Variants in WLS observed in about 807,000 individuals in gnomAD.
WLS encodes protein wntless homolog.
Under a neutral mutation model 62.8 loss-of-function variants are expected in WLS, and 23 were observed. The observed-to-expected ratio is 0.37, with a 90% confidence interval of 0.26 to 0.52. The LOEUF is 0.52. Among genes scored for constraint, WLS ranks in the 20% least tolerant of loss-of-function variants. The pLI, the probability that WLS is intolerant of heterozygous loss-of-function variation, is 0.92. For missense variants in WLS, 615 were observed against 697.3 expected (o/e 0.88, Z 1.33); for synonymous variants, 246 against 244.1 (o/e 1.01, Z -0.07).
At chr1:68,230,777 C>T (rs754234085) in intron 1 of WLS, among the ~76,000 whole-genome samples, 5 of 152,140 alleles carry the variant, frequency 3.3e-5, no homozygotes, top group Non-Finnish European at 2.9e-5. Context: ...GAAGCTTCAC[C>T]CACTCTCCTT....
Position 68,194,035 on chromosome 1 carries a change from T to TG in WLS, c.298dup (p.His100ProfsTer43), listed in dbSNP as rs1363522615. ...TTGGAACCAAGGACTCATCTCCATG[T>TG]GGGGGAGGGGAATGTGAACAGAAAA... On this transcript the variant is annotated frameshift_variant, in exon 2 of 12. Transcript: ENST00000262348. LOFTEE classifies it high-confidence loss of function. The TG allele has an allele frequency of 2.5e-6, 4 of 1,614,028 alleles. No homozygotes were observed. Among genetic ancestry groups the TG allele is most frequent in the Non-Finnish European group, 3.4e-6 (4 of 1,180,032 alleles).
intron 1 of WLS, among the ~76,000 whole-genome samples, chr1:68,228,906 T>G (rs1571046541): frequency 2.7e-5 from 4 of 148,484 alleles, no homozygotes; most frequent in Middle Eastern, 3.5e-3. Flanking sequence ...TGTTTTTTTT[T>G]TTTTTTGGTA....
chr1:68,098,476 T>C (rs1646035804), exon 12 of WLS: 1 of 1,195,670 alleles, frequency 8.4e-7, no homozygotes, highest in Non-Finnish European at 1.1e-6. Context: ...AGTAAGACAA[T>C]ACTCAAAGAA....
At chr1:68,125,196 G>T (rs1024668935), downstream of WLS, among the ~76,000 whole-genome samples, 4 of 152,166 alleles carry the variant, frequency 2.6e-5, 1 homozygote, top group Admixed American at 2.6e-4. Flanking sequence ...GCCTAGGGAG[G>T]CTAACCACAC....
chr1:68,217,970 AG>A (rs1377412778), intron 1 of WLS, among the ~76,000 whole-genome samples: 1 of 152,248 alleles, frequency 6.6e-6, no homozygotes, highest in Non-Finnish European at 1.5e-5. Context: ...GCAATTAAGC[AG>A]ATTTTGAAAA....
intron 11 of WLS, among the ~76,000 whole-genome samples, chr1:68,129,641 G>A (rs546704764): frequency 1.3e-4 from 20 of 152,232 alleles, no homozygotes; most frequent in African/African-American, 4.6e-4. Flanking sequence ...TTCCCCCTTG[G>A]GGAATGGGTG....
chr1:68,106,527 A>T (rs562554698), intron 11 of WLS, among the ~76,000 whole-genome samples: 7 of 152,196 alleles, frequency 4.6e-5, no homozygotes, highest in Non-Finnish European at 1.0e-4. Context: ...GTATACGGTT[A>T]TTGGAGGCAA....
At chr1:68,147,208 TACTC>T (rs1402433964) in intron 8 of WLS, among the ~76,000 whole-genome samples, 1 of 152,242 alleles carries the variant, frequency 6.6e-6, no homozygotes, top group African/African-American at 2.4e-5. Flanking sequence ...CTTGAAATTT[TACTC>T]ACTCCATCCT....
At chr1:68,177,433 T>C (rs1222982693) in intron 2 of WLS, among the ~76,000 whole-genome samples, 1 of 152,212 alleles carries the variant, frequency 6.6e-6, no homozygotes, top group Non-Finnish European at 1.5e-5. Flanking sequence ...TTCTGAACAC[T>C]CAGCCCTGCC....
At chr1:68,185,946 A>C (rs1443392186) in intron 2 of WLS, among the ~76,000 whole-genome samples, 3 of 152,154 alleles carry the variant, frequency 2.0e-5, no homozygotes, top group Non-Finnish European at 2.9e-5. Flanking sequence ...GGTGGGGCTG[A>C]AATTAGTTCC....
At chr1:68,112,038 T>A (rs1330906140) in intron 11 of WLS, among the ~76,000 whole-genome samples, 2 of 152,224 alleles carry the variant, frequency 1.3e-5, no homozygotes, top group Non-Finnish European at 1.5e-5. Flanking sequence ...ATGTACAGTA[T>A]TCATTGCTCT....
At chr1:68,222,934 G>A (rs1245100674) in intron 1 of WLS, among the ~76,000 whole-genome samples, 1 of 151,342 alleles carries the variant, frequency 6.6e-6, no homozygotes, top group Non-Finnish European at 1.5e-5. Context: ...TGGGGGGCAG[G>A]GGTGAGGTAC....
intron 11 of WLS, among the ~76,000 whole-genome samples, chr1:68,115,537 T>A (rs1227491700): frequency 6.6e-6 from 1 of 152,184 alleles, no homozygotes; most frequent in African/African-American, 2.4e-5. Context: ...GGCAAGTCAC[T>A]CAACCTCTCT....
chr1:68,164,228 C>A (rs76931366), intron 2 of WLS, among the ~76,000 whole-genome samples: 1 of 151,804 alleles, frequency 6.6e-6, no homozygotes, highest in Non-Finnish European at 1.5e-5. Context: ...GGGGAAAAAA[C>A]TAACTGTAGA....
Position 68,126,293 on chromosome 1 carries a change from G to C in WLS, c.1559C>G (p.Thr520Ser). 3 of 1,614,128 alleles carry C rather than the reference G, an allele frequency of 1.9e-6. No homozygotes were observed. In the South Asian group the frequency reaches 3.3e-5, roughly 18 times the overall value. Residue 520 changes from threonine to serine, a missense_variant, in exon 12 of 12, where the codon ACC becomes AGC. Thr to Ser is a moderately conservative substitution (Grantham distance 58). Coordinates refer to ENST00000262348, the MANE Select transcript of WLS (RefSeq NM_024911.7). ...GGGTCCGTCCACATGGGTGATAGTG[G>C]TGGTGAGCTGGAGTTCTTCCCCACT... The part of the protein sequence containing the change: ...VHSGEELQLT[T>S]TITHVDGPTE...
intron 11 of WLS, among the ~76,000 whole-genome samples, chr1:68,101,341 C>G (rs1646075855): frequency 6.6e-6 from 1 of 152,062 alleles, no homozygotes; most frequent in African/African-American, 2.4e-5. Context: ...CATCAGCAAC[C>G]TATCAGAAGA....
At chr1:68,163,545 CTT>C (rs1647016772) in intron 2 of WLS, among the ~76,000 whole-genome samples, 1 of 151,928 alleles carries the variant, frequency 6.6e-6, no homozygotes, top group African/African-American at 2.4e-5. Flanking sequence ...AACACAAAAA[CTT>C]AATCTCTCCA....
intron 7 of WLS, 146 bp downstream of exon 7, chr1:68,148,417 C>A (rs1309902128): frequency 2.1e-6 from 2 of 935,402 alleles, no homozygotes; most frequent in Non-Finnish European, 3.2e-6. Flanking sequence ...TGATCCCAGA[C>A]CTTGTCTGAG....
intron 11 of WLS, among the ~76,000 whole-genome samples, chr1:68,117,972 G>GT (rs778835399): frequency 6.7e-6 from 1 of 149,162 alleles, no homozygotes; most frequent in Non-Finnish European, 1.5e-5. Context: ...GAATTGATGA[G>GT]AAAAAAAAAA....
Sources: gnomAD v4.1 joint callset for allele counts (sites outside exome capture counted in the v4.1 genomes callset) on GRCh38, gnomAD v4.1.1 for gene constraint, MANE v1.5 for transcripts, NCBI Gene and HGNC (gene_info 2026-07-23, HGNC 2026-07-21) for gene names.